The following PCDH15 variants were observed in gnomAD, a reference collection of about 807,000 sequenced individuals.
PCDH15 encodes the protein protocadherin-15.
Under a neutral mutation model 178.5 loss-of-function variants are expected in PCDH15, and 129 were observed. The observed-to-expected ratio is 0.72, with a 90% confidence interval of 0.63 to 0.84. PCDH15 has a LOEUF of 0.84. PCDH15 is among the 40% of genes least tolerant of loss of function. PCDH15 has a pLI of 0.00. For missense variants in PCDH15, 2,230 were observed against 2,099.9 expected (o/e 1.06, Z -1.21); for synonymous variants, 800 against 732.0 (o/e 1.09, Z -1.50).
chr10:54,253,289 T>C (rs2056644759), intron 8 of PCDH15, among the ~76,000 whole-genome samples: 1 of 152,080 alleles, frequency 6.6e-6, no homozygotes, highest in South Asian at 2.1e-4. Flanking sequence ...AGTTACTGCA[T>C]TTTCCTACAG....
intron 21 of PCDH15, among the ~76,000 whole-genome samples, chr10:53,973,804 G>C (rs1280865816): frequency 6.6e-6 from 1 of 151,976 alleles, no homozygotes; most frequent in Non-Finnish European, 1.5e-5. Context: ...AATGAGATTT[G>C]GTTTCAACAA....
At chr10:54,561,844 T>A (rs895585064) in intron 2 of PCDH15, among the ~76,000 whole-genome samples, 1 of 151,526 alleles carries the variant, frequency 6.6e-6, no homozygotes, top group Non-Finnish European at 1.5e-5. Flanking sequence ...ATTATTATTA[T>A]TATTATTATT....
intron 6 of PCDH15, among the ~76,000 whole-genome samples, chr10:54,344,918 A>G (rs1248089668): frequency 7.1e-6 from 1 of 140,946 alleles, no homozygotes; most frequent in Non-Finnish European, 1.5e-5. Flanking sequence ...AAAAAAAAAA[A>G]AAAAAAAACA....
chr10:53,876,179 TTTTTTTTTTTGTTTTTTTG>T (rs1229605317), intron 26 of PCDH15, among the ~76,000 whole-genome samples: 4 of 97,192 alleles, frequency 4.1e-5, no homozygotes, highest in South Asian at 3.0e-4. Flanking sequence ...TTGAGTCTTG[TTTTTTTTTTTGTTTTTTTG>T]TTTTTTTTTT....
chr10:55,009,775 A>C (rs1840009743), intron 2 of PCDH15, among the ~76,000 whole-genome samples: 1 of 152,166 alleles, frequency 6.6e-6, no homozygotes, highest in Non-Finnish European at 1.5e-5. Context: ...CTTGATTAAC[A>C]ACCAAAGTTT....
intron 3 of PCDH15, among the ~76,000 whole-genome samples, chr10:54,473,778 A>T (rs1269333588): frequency 1.3e-5 from 2 of 151,960 alleles, no homozygotes; most frequent in East Asian, 3.9e-4. Context: ...AACCCTCAGC[A>T]TATTATAAAA....
intron 3 of PCDH15, among the ~76,000 whole-genome samples, chr10:54,874,534 T>C (rs995400597): frequency 2.6e-5 from 4 of 152,046 alleles, no homozygotes; most frequent in Non-Finnish European, 5.9e-5. Context: ...CCAAAAGCAA[T>C]GGCAACAAAA....
intron 3 of PCDH15, among the ~76,000 whole-genome samples, chr10:54,408,693 T>C (rs992691192): frequency 2.6e-5 from 4 of 152,180 alleles, no homozygotes; most frequent in Admixed American, 2.0e-4. Flanking sequence ...TATGATTCTA[T>C]GTATGATTGG....
intron 21 of PCDH15, among the ~76,000 whole-genome samples, chr10:53,970,052 G>A (rs923948972): frequency 2.6e-5 from 4 of 152,080 alleles, no homozygotes; most frequent in Admixed American, 6.6e-5. Flanking sequence ...CCAATTAAAA[G>A]ACACAGACTG....
chr10:55,082,460 A>G (rs1168883088), intron 2 of PCDH15, among the ~76,000 whole-genome samples: 1 of 151,902 alleles, frequency 6.6e-6, no homozygotes, highest in East Asian at 1.9e-4. Flanking sequence ...TCAAAAAAGC[A>G]GAAAAATGTT....
chr10:55,599,769 C>A, intron 2 of PCDH15: 2 of 425,818 alleles, frequency 4.7e-6, no homozygotes, highest in South Asian at 7.8e-5. Context: ...ATCTCTCTAC[C>A]AAAAACATCA....
intron 1 of PCDH15, among the ~76,000 whole-genome samples, chr10:54,691,749 A>G (rs564287677): frequency 1.4e-3 from 211 of 152,214 alleles, no homozygotes; most frequent in African/African-American, 5.0e-3. Flanking sequence ...TTTCTACATG[A>G]TACTTATAGA....
chr10:54,309,363 T>A (rs1200843225), intron 8 of PCDH15, among the ~76,000 whole-genome samples: 1 of 151,200 alleles, frequency 6.6e-6, no homozygotes, highest in African/African-American at 2.4e-5. Flanking sequence ...ACACTTCACA[T>A]ATGTACCTTT....
At chr10:53,908,518 T>C (rs535565468) in intron 25 of PCDH15, among the ~76,000 whole-genome samples, 9 of 152,342 alleles carry the variant, frequency 5.9e-5, no homozygotes, top group African/African-American at 2.2e-4. Context: ...CTCAAGCCTG[T>C]TTACCTCCAC....
At chr10:54,158,434 C>T (rs1456175293) in intron 13 of PCDH15, among the ~76,000 whole-genome samples, 1 of 152,164 alleles carries the variant, frequency 6.6e-6, no homozygotes, top group Non-Finnish European at 1.5e-5. Context: ...TCAATTACCT[C>T]CCACCAGATC....
At chr10:54,150,098 G>A (rs1475569724) in intron 14 of PCDH15, among the ~76,000 whole-genome samples, 1 of 152,120 alleles carries the variant, frequency 6.6e-6, no homozygotes, top group Non-Finnish European at 1.5e-5. Flanking sequence ...ACTCTTCCAA[G>A]TGTGACTTCC....
At chr10:54,404,242 G>A (rs1952319497) in intron 3 of PCDH15, among the ~76,000 whole-genome samples, 1 of 151,932 alleles carries the variant, frequency 6.6e-6, no homozygotes, top group African/African-American at 2.4e-5. Context: ...TACAGAGCTG[G>A]AAGCATCTGG....
chr10:55,250,618 C>A (rs575817195), intron 1 of PCDH15, among the ~76,000 whole-genome samples: 22 of 144,542 alleles, frequency 1.5e-4, no homozygotes, highest in Non-Finnish European at 2.7e-4. Flanking sequence ...CTCACTGCAA[C>A]CTTCACCTCC....
intron 15 of PCDH15, among the ~76,000 whole-genome samples, chr10:54,107,650 C>A (rs1719521741): frequency 6.6e-6 from 1 of 151,994 alleles, no homozygotes; most frequent in Admixed American, 6.6e-5. Context: ...TAGGGCATGC[C>A]CATGAAGTGG....
Sources: allele counts gnomAD v4.1 joint callset (sites outside exome capture counted in the v4.1 genomes callset), GRCh38; gene constraint gnomAD v4.1.1; transcripts MANE v1.5; gene names NCBI Gene and HGNC (gene_info 2026-07-23, HGNC 2026-07-21).